The following FAM114A2 variants were observed in gnomAD, a reference collection of about 807,000 sequenced individuals.
FAM114A2 encodes protein FAM114A2.
Under a neutral mutation model 58.4 loss-of-function variants are expected in FAM114A2, and 53 were observed. The observed-to-expected ratio is 0.91, with a 90% CI of 0.73 to 1.14. FAM114A2 has a LOEUF of 1.14. FAM114A2 is among the 50% of genes most tolerant of loss of function. FAM114A2 has a pLI of 0.00. For missense variants in FAM114A2, 601 were observed against 581.1 expected, an observed-to-expected ratio of 1.03 and a Z score of -0.35; for synonymous variants, 228 against 211.4, an observed-to-expected ratio of 1.08 and a Z score of -0.68.
At chr5:154,010,454 C>T (rs1342111416) in intron 9 of FAM114A2, among the ~76,000 whole-genome samples, 1 of 152,128 alleles carries the variant, frequency 6.6e-6, no homozygotes, top group Non-Finnish European at 1.5e-5. Flanking sequence ...GGATAACACA[C>T]CAAACATCAT....
At chr5:154,013,764 G>C (rs941676048) in intron 8 of FAM114A2, among the ~76,000 whole-genome samples, 1 of 152,106 alleles carries the variant, frequency 6.6e-6, no homozygotes, top group Non-Finnish European at 1.5e-5. Flanking sequence ...AGGAACAATG[G>C]AGCAACTTAA....
intron 9 of FAM114A2, among the ~76,000 whole-genome samples, chr5:154,006,731 A>C (rs1475041582): frequency 6.6e-6 from 1 of 152,196 alleles, no homozygotes; most frequent in African/African-American, 2.4e-5. Context: ...AAAAAAGAAA[A>C]ATGGAGAGTG....
intron 7 of FAM114A2, 98 bp downstream of exon 7, chr5:154,027,078 C>T (rs1771832756): frequency 9.9e-7 from 1 of 1,005,064 alleles, no homozygotes; most frequent in Non-Finnish European, 1.5e-6. Context: ...TCTAACAAAA[C>T]ATACACTTCA....
At chr5:154,003,733 T>C (rs1245725760) in intron 9 of FAM114A2, among the ~76,000 whole-genome samples, 2 of 152,200 alleles carry the variant, frequency 1.3e-5, no homozygotes, top group Admixed American at 1.3e-4. Context: ...TTAAAATGCA[T>C]AAAAATAGAA....
At position 154,027,328 on chromosome 5, in the gene FAM114A2, G is replaced by C. The variant is rs781759624; in HGVS notation, c.637C>G (p.Arg213Gly). Residue 213 changes from arginine to glycine, a missense_variant, in exon 7 of 14, where the codon CGA becomes GGA. Physicochemically the swap from Arg to Gly is moderately radical, Grantham distance 125. Transcript: ENST00000351797. Reference sequence around the variant, plus strand: ...ATCTCTTCTTTCTCCTTCGCCTCTCGTAAAACCTAAAAAGAGATGGAGGCA... The same window carrying C: ...ATCTCTTCTTTCTCCTTCGCCTCTCCTAAAACCTAAAAAGAGATGGAGGCA... The part of the protein sequence containing the change: ...NRNATLSQVL[R>G]EAKEKEEIRT... 3 of 1,609,074 alleles carry C rather than the reference G, an allele frequency of 1.9e-6. No homozygotes were observed. Among genetic ancestry groups the C allele is most frequent in the South Asian group, 1.1e-5 (1 of 90,048 alleles).
At chr5:154,034,440 A>G (rs1772409907) in intron 2 of FAM114A2, 63 bp from the exon 3 acceptor site, 1 of 964,206 alleles carries the variant, frequency 1.0e-6, no homozygotes, top group African/African-American at 1.6e-5. Flanking sequence ...GAGGAAAATC[A>G]GAATGTACAG....
chr5:154,019,239 C>T (rs1771242150), intron 8 of FAM114A2, among the ~76,000 whole-genome samples: 1 of 152,052 alleles, frequency 6.6e-6, no homozygotes, highest in Non-Finnish European at 1.5e-5. Context: ...TTCAATACAC[C>T]AACAGTGACC....
intron 1 of FAM114A2, chr5:154,036,137 T>A (rs10039286): frequency 6.6e-6 from 1 of 151,914 alleles, no homozygotes; most frequent in Non-Finnish European, 1.5e-5. Flanking sequence ...ATTGTCTTCA[T>A]TGGGCCTTTC....
At chr5:154,028,330 T>C (rs774070536) in intron 5 of FAM114A2, 47 bp from the exon 6 acceptor site, 1 of 1,239,570 alleles carries the variant, frequency 8.1e-7, no homozygotes, top group East Asian at 2.4e-5. Flanking sequence ...AGAAAACATA[T>C]TTTTATGCAT....
chr5:154,032,810 C>T (rs1772291388), intron 4 of FAM114A2, among the ~76,000 whole-genome samples: 1 of 152,116 alleles, frequency 6.6e-6, no homozygotes, highest in Non-Finnish European at 1.5e-5. Context: ...AGAAGCCAGC[C>T]CAGAACCTTG....
Position 154,034,382 on chromosome 5 carries a change from T to C in FAM114A2, c.211-5A>G. The C allele has an allele frequency of 6.5e-7, 1 of 1,535,078 alleles. No homozygotes were observed. The highest frequency in any genetic ancestry group is 2.1e-5 in the Admixed American group (1 of 47,480). ...TACATCTTTGGAAACATTATCCTAATTTCCCAGTAGGCAGAAAAACAAAAG... is the reference window on the plus strand; with the variant it reads ...TACATCTTTGGAAACATTATCCTAACTTCCCAGTAGGCAGAAAAACAAAAG... On this transcript the variant is annotated splice_polypyrimidine_tract_variant and splice_region_variant and intron_variant, in intron 2 of 13. Coordinates refer to ENST00000351797, the MANE Select transcript of FAM114A2 (RefSeq NM_018691.4).
In FAM114A2 at chr5:154,012,972, T is replaced by C. The variant is rs550311666; in HGVS notation, c.914-1652A>G. Among the ~76,000 whole-genome samples the C allele has an allele frequency of 5.9e-5, 9 of 151,684 alleles. No homozygotes were observed. In the South Asian group the frequency reaches 1.7e-3, roughly 28 times the overall value. On this transcript the variant is annotated intron_variant, in intron 8 of 13. Coordinates refer to ENST00000351797, the MANE Select transcript of FAM114A2 (RefSeq NM_018691.4). Reference sequence around the variant, plus strand: ...AGGGTATATTTTAGAATGTTAATTATACATTATTATGGTAGTACATATAAT... The same window carrying C: ...AGGGTATATTTTAGAATGTTAATTACACATTATTATGGTAGTACATATAAT...
At chr5:154,004,371 G>A (rs1412745750) in intron 9 of FAM114A2, among the ~76,000 whole-genome samples, 3 of 151,844 alleles carry the variant, frequency 2.0e-5, no homozygotes, top group Admixed American at 6.6e-5. Flanking sequence ...CTCTTTACTC[G>A]TCTCATCCTA....
At chr5:153,995,093 G>A in intron 12 of FAM114A2, 121 bp from the exon 13 acceptor site, 1 of 655,772 alleles carries the variant, frequency 1.5e-6, no homozygotes, top group South Asian at 1.9e-5. Context: ...AAGCACAGAA[G>A]TCTGGACTGA....
At chr5:154,037,338 T>TA (rs1311578491) in intron 1 of FAM114A2, 1 of 152,060 alleles carries the variant, frequency 6.6e-6, no homozygotes, top group Non-Finnish European at 1.5e-5. Flanking sequence ...CCAAAACACA[T>TA]AGAGAAAAAA....
chr5:154,035,375 C>A (rs1214877516), intron 1 of FAM114A2, among the ~76,000 whole-genome samples: 1 of 152,142 alleles, frequency 6.6e-6, no homozygotes, highest in African/African-American at 2.4e-5. Context: ...AATTACTGAT[C>A]TCTCTGATGG....
intron 8 of FAM114A2, among the ~76,000 whole-genome samples, chr5:154,013,394 C>T (rs984392616): frequency 6.6e-6 from 1 of 152,122 alleles, no homozygotes; most frequent in Non-Finnish European, 1.5e-5. Flanking sequence ...CCTCTGATAC[C>T]ACCACTTTTT....
chr5:154,001,278 A>G (rs1412769503), intron 11 of FAM114A2, among the ~76,000 whole-genome samples: 3 of 152,250 alleles, frequency 2.0e-5, no homozygotes, highest in Non-Finnish European at 1.5e-5. Context: ...GTAAAAGGAC[A>G]GAGAATGGTG....
chr5:154,008,076 T>C (rs1219111673), intron 9 of FAM114A2, among the ~76,000 whole-genome samples: 1 of 152,070 alleles, frequency 6.6e-6, no homozygotes, highest in Non-Finnish European at 1.5e-5. Context: ...AATAAATTTA[T>C]AAAAATACCT....
Sources: allele counts gnomAD v4.1 joint callset (sites outside exome capture counted in the v4.1 genomes callset), GRCh38; gene constraint gnomAD v4.1.1; transcripts MANE v1.5; gene names NCBI Gene and HGNC (gene_info 2026-07-23, HGNC 2026-07-21).